Variants in MYOCOS observed in about 807,000 individuals in gnomAD.
MYOCOS encodes the protein myocilin opposite strand, also known as myocilin opposite strand protein.
chr1:171,612,755 G>C (rs1294675298), intron 1 of MYOCOS, among the ~76,000 whole-genome samples: 2 of 152,104 alleles, frequency 1.3e-5, no homozygotes, highest in African/African-American at 4.8e-5. Context: ...GCTTGAACCT[G>C]GGAGGCGGAG....
upstream of MYOCOS, among the ~76,000 whole-genome samples, chr1:171,617,414 A>G (rs1652470922): frequency 6.6e-6 from 1 of 152,104 alleles, no homozygotes; most frequent in African/African-American, 2.4e-5. Flanking sequence ...TGCTGTTATG[A>G]GTATAGGAAA....
At chr1:171,618,590 T>TG (rs1652492512), upstream of MYOCOS, among the ~76,000 whole-genome samples, 5 of 151,680 alleles carry the variant, frequency 3.3e-5, no homozygotes, top group South Asian at 1.0e-3. Flanking sequence ...TTTGTTTGTT[T>TG]TTTGAGATGG....
chr1:171,618,777 T>C (rs1652497632), upstream of MYOCOS, among the ~76,000 whole-genome samples: 1 of 152,196 alleles, frequency 6.6e-6, no homozygotes, highest in South Asian at 2.1e-4. Context: ...GGTTTCACCA[T>C]GTTGGCCAGG....
At chr1:171,623,527 T>A (rs1391765092) in intron 1 of MYOCOS, among the ~76,000 whole-genome samples, 3 of 152,184 alleles carry the variant, frequency 2.0e-5, no homozygotes, top group Non-Finnish European at 4.4e-5. Context: ...AGTTCACCTA[T>A]CTGTGCCTCC....
Position 171,611,977 on chromosome 1 carries a change from G to A in MYOCOS, c.-251-2821G>A, listed in dbSNP as rs958561955. Among the ~76,000 whole-genome samples, 30 of 152,180 alleles carry A rather than the reference G, an allele frequency of 2.0e-4. 1 individual carries two copies. Among genetic ancestry groups the A allele is most frequent in the African/African-American group, 6.8e-4 (28 of 41,446 alleles). On this transcript the variant is annotated intron_variant, in intron 1 of 3. Coordinates refer to the MYOCOS transcript ENST00000636697. Reference sequence around the variant, plus strand: ...CAGCTACAACTTGGTTGAATTCATGGTAGTCTTCAGACTGGTTTTTGTAGG... The same window carrying A: ...CAGCTACAACTTGGTTGAATTCATGATAGTCTTCAGACTGGTTTTTGTAGG...
intron 1 of MYOCOS, among the ~76,000 whole-genome samples, chr1:171,622,697 G>A (rs1391058595): frequency 6.6e-6 from 1 of 151,978 alleles, no homozygotes; most frequent in Non-Finnish European, 1.5e-5. Flanking sequence ...CAGTCACCAC[G>A]TGAGTGTGAC....
chr1:171,614,588 T>C (rs902962109), intron 1 of MYOCOS, among the ~76,000 whole-genome samples: 2 of 152,100 alleles, frequency 1.3e-5, no homozygotes, highest in Non-Finnish European at 1.5e-5. Context: ...CTAAGGCAAC[T>C]CTCTTCAGCT....
upstream of MYOCOS, among the ~76,000 whole-genome samples, chr1:171,618,499 C>A (rs1403997140): frequency 6.6e-6 from 1 of 152,192 alleles, no homozygotes; most frequent in Non-Finnish European, 1.5e-5. Flanking sequence ...CAGTTCAATT[C>A]TTCCTGTAAG....
upstream of MYOCOS, among the ~76,000 whole-genome samples, chr1:171,620,468 G>C (rs1018790950): frequency 2.0e-5 from 3 of 152,052 alleles, no homozygotes; most frequent in African/African-American, 4.8e-5. Flanking sequence ...AATTAACATA[G>C]CTAGATATTT....
chr1:171,614,789 A>G (rs1652418700), intron 1 of MYOCOS: 1 of 152,198 alleles, frequency 6.6e-6, no homozygotes, highest in African/African-American at 2.4e-5. Context: ...CTTTTTTTCT[A>G]CATTTTAGAC....
At chr1:171,618,584 T>C (rs1396526995), upstream of MYOCOS, among the ~76,000 whole-genome samples, 2 of 152,072 alleles carry the variant, frequency 1.3e-5, no homozygotes, top group African/African-American at 4.8e-5. Flanking sequence ...TGTTTGTTTG[T>C]TTGTTTTTTG....
upstream of MYOCOS, among the ~76,000 whole-genome samples, chr1:171,618,559 T>TTTTGTTTGTTTGTTTG (rs138926013): frequency 1.2e-4 from 18 of 150,734 alleles, no homozygotes; most frequent in African/African-American, 2.7e-4. Context: ...ACTATCTCCT[T>TTTTGTTTGTTTGTTTG]TTTGTTTGTT....
At chr1:171,621,450 A>G (rs1572205855), upstream of MYOCOS, among the ~76,000 whole-genome samples, 2 of 137,340 alleles carry the variant, frequency 1.5e-5, no homozygotes, top group Middle Eastern at 8.4e-3. Flanking sequence ...ATCTCGGCTC[A>G]CTGCAAGCTC....
chr1:171,620,590 C>T (rs1450183014), upstream of MYOCOS, among the ~76,000 whole-genome samples: 3 of 152,114 alleles, frequency 2.0e-5, no homozygotes, highest in Non-Finnish European at 4.4e-5. Context: ...GAACTTTGGC[C>T]TCCACCATCT....
intron 2 of MYOCOS, among the ~76,000 whole-genome samples, chr1:171,625,023 T>C (rs1039717261): frequency 2.6e-5 from 4 of 152,228 alleles, no homozygotes; most frequent in African/African-American, 7.2e-5. Flanking sequence ...TTCCATCTAA[T>C]GTTGTTTACA....
At chr1:171,613,773 C>G (rs571739736) in intron 1 of MYOCOS, among the ~76,000 whole-genome samples, 1 of 152,220 alleles carries the variant, frequency 6.6e-6, no homozygotes, top group South Asian at 2.1e-4. Context: ...GTCTTGAACT[C>G]CTGAGCTCAA....
chr1:171,624,602 A>ACGTCGTGTGTGTG (rs1652655204), intron 2 of MYOCOS, among the ~76,000 whole-genome samples: 1 of 151,670 alleles, frequency 6.6e-6, no homozygotes, highest in Non-Finnish European at 1.5e-5. Context: ...ACGCCCGGCT[A>ACGTCGTGTGTGTG]ATATTTTGTG....
rs377363414 is a variant in MYOCOS at position 171,603,407 on chromosome 1, AAAT to A, written c.-252+2330_-252+2332del. 3.2e-3 allele frequency among the ~76,000 whole-genome samples: 484 copies of A among 152,324 alleles called. 5 individuals carry two copies. Among genetic ancestry groups the A allele is most frequent in the African/African-American group, 0.011 (462 of 41,564 alleles). ...TTTCATCAACCAGAGGAAAAACAAA[AAAT>A]AAGACATCGTAAAGTGAGAGAAGCC... On this transcript the variant is annotated intron_variant, in intron 1 of 3. Transcript: ENST00000636697.
upstream of MYOCOS, among the ~76,000 whole-genome samples, chr1:171,618,444 G>A (rs570985545): frequency 6.6e-6 from 1 of 152,308 alleles, no homozygotes; most frequent in East Asian, 1.9e-4. Flanking sequence ...TTGCTGTTGT[G>A]GGGATGACAA....
Sources: allele counts gnomAD v4.1 joint callset (sites outside exome capture counted in the v4.1 genomes callset), GRCh38; gene constraint gnomAD v4.1.1; transcripts MANE v1.5; gene names NCBI Gene and HGNC (gene_info 2026-07-23, HGNC 2026-07-21).